SAMSN1: variants seen among roughly 807,000 people sequenced by gnomAD.
SAMSN1 encodes the protein SAM domain-containing protein SAMSN-1.
Under a neutral mutation model 42.0 loss-of-function variants are expected in SAMSN1, and 31 were observed. That is an observed-to-expected ratio of 0.74 (90% confidence interval 0.55 to 1.00). SAMSN1 has a LOEUF of 1.00. Among genes scored for constraint, SAMSN1 ranks in the 50% least tolerant of loss-of-function variants. The pLI is 0.00. For synonymous variants in SAMSN1, 178 were observed against 151.9 expected, an observed-to-expected ratio of 1.17 and a Z score of -1.26; for missense variants, 464 against 439.4, an observed-to-expected ratio of 1.06 and a Z score of -0.50.
upstream of SAMSN1, among the ~76,000 whole-genome samples, chr21:14,549,373 G>T (rs184299434): frequency 3.3e-3 from 502 of 152,250 alleles, 2 homozygotes; most frequent in African/African-American, 0.012. Context: ...ATGTACACTG[G>T]TTCAATGGAT....
chr21:14,642,498 A>T (rs1448948724), intron 2 of SAMSN1, among the ~76,000 whole-genome samples: 2 of 152,196 alleles, frequency 1.3e-5, no homozygotes, highest in East Asian at 3.8e-4. Flanking sequence ...AAATATTCAG[A>T]TACTGCAAAC....
intron 4 of SAMSN1, among the ~76,000 whole-genome samples, chr21:14,511,240 T>G (rs1987676187): frequency 6.6e-6 from 1 of 152,222 alleles, no homozygotes; most frequent in African/African-American, 2.4e-5. Context: ...GTATGTGAAC[T>G]GATGTAAAAC....
intron 1 of SAMSN1, among the ~76,000 whole-genome samples, chr21:14,657,744 T>G (rs1983939203): frequency 6.6e-6 from 1 of 151,832 alleles, no homozygotes; most frequent in South Asian, 2.1e-4. Context: ...GAGCTGGCAG[T>G]TATTTTGTAA....
At chr21:14,590,284 A>G (rs1982042998) in intron 7 of SAMSN1, among the ~76,000 whole-genome samples, 1 of 151,272 alleles carries the variant, frequency 6.6e-6, no homozygotes, top group Non-Finnish European at 1.5e-5. Flanking sequence ...TTCTTTTAAG[A>G]CACAGGGTCT....
At chr21:14,651,387 A>T (rs1213461641) in intron 1 of SAMSN1, among the ~76,000 whole-genome samples, 1 of 152,094 alleles carries the variant, frequency 6.6e-6, no homozygotes, top group Admixed American at 6.6e-5. Flanking sequence ...ACATATTCAA[A>T]TCAATCAGTA....
chr21:14,594,082 A>G, intron 6 of SAMSN1: 2 of 702,178 alleles, frequency 2.8e-6, no homozygotes, highest in Non-Finnish European at 5.3e-6. Flanking sequence ...AGGTCACCTT[A>G]GAAATTAGAA....
intron 2 of SAMSN1, among the ~76,000 whole-genome samples, chr21:14,625,805 G>T (rs141233043): frequency 6.6e-6 from 1 of 152,134 alleles, no homozygotes; most frequent in East Asian, 1.9e-4. Flanking sequence ...AACCAAACAA[G>T]AGCCTGCATT....
intron 2 of SAMSN1, among the ~76,000 whole-genome samples, chr21:14,558,629 C>A (rs1396727592): frequency 6.6e-6 from 1 of 152,002 alleles, no homozygotes; most frequent in African/African-American, 2.4e-5. Context: ...TGCAGTGAGC[C>A]GACATCTCAT....
Position 14,514,591 on chromosome 21 carries a change from G to A in SAMSN1, c.280-2018C>T, listed in dbSNP as rs891490452. Among the ~76,000 whole-genome samples the A allele has an allele frequency of 3.3e-5, 5 of 152,304 alleles. 1 individual carries two copies. On this transcript the variant is annotated intron_variant, in intron 3 of 7. Coordinates refer to ENST00000400566, the MANE Select transcript of SAMSN1 (RefSeq NM_022136.5). ...TATATATACGTGGTAATACAATTCAGAGAATTTACTGATGAATTAGTGTGA... is the reference window on the plus strand; with the variant it reads ...TATATATACGTGGTAATACAATTCAAAGAATTTACTGATGAATTAGTGTGA...
chr21:14,634,302 A>C (rs892422108), intron 2 of SAMSN1, among the ~76,000 whole-genome samples: 5 of 152,282 alleles, frequency 3.3e-5, no homozygotes, highest in African/African-American at 1.2e-4. Flanking sequence ...AACAAAAGCT[A>C]AAATTGACAA....
At chr21:14,582,548 T>C (rs1981774803) in intron 1 of SAMSN1, 2 of 639,608 alleles carry the variant, frequency 3.1e-6, no homozygotes, top group Admixed American at 3.0e-5. Context: ...ATAGGAATTA[T>C]TCTTCCATTT....
chr21:14,576,224 T>C (rs768744693), intron 2 of SAMSN1, among the ~76,000 whole-genome samples: 5 of 152,182 alleles, frequency 3.3e-5, no homozygotes, highest in Non-Finnish European at 7.3e-5. Flanking sequence ...TCAGGATCAT[T>C]AATCAGGGTA....
intron 1 of SAMSN1, among the ~76,000 whole-genome samples, chr21:14,647,747 A>G (rs1310731560): frequency 7.4e-6 from 1 of 134,616 alleles, no homozygotes; most frequent in East Asian, 2.2e-4. Flanking sequence ...TCTTTGAAGC[A>G]ATTGTGAATG....
chr21:14,587,637 G>C (rs1374562603), upstream of SAMSN1, among the ~76,000 whole-genome samples: 1 of 151,960 alleles, frequency 6.6e-6, no homozygotes, highest in East Asian at 1.9e-4. Flanking sequence ...TCACTTATAT[G>C]CTAATGACTC....
chr21:14,615,046 C>T (rs74759967), intron 3 of SAMSN1, among the ~76,000 whole-genome samples: 9 of 152,062 alleles, frequency 5.9e-5, no homozygotes, highest in South Asian at 2.1e-4. Flanking sequence ...TGTTTAAGTA[C>T]GTTCCTTGGA....
intron 1 of SAMSN1, among the ~76,000 whole-genome samples, chr21:14,526,318 G>A (rs866469314): frequency 6.6e-6 from 1 of 152,176 alleles, no homozygotes; most frequent in African/African-American, 2.4e-5. Context: ...ATATAAATAT[G>A]TGCCCTTGGA....
At chr21:14,632,842 G>A (rs2123364604) in intron 2 of SAMSN1, among the ~76,000 whole-genome samples, 1 of 152,160 alleles carries the variant, frequency 6.6e-6, no homozygotes, top group East Asian at 1.9e-4. Context: ...AAGGCTGTTG[G>A]GCTGGAGGCC....
chr21:14,593,002 T>C, intron 7 of SAMSN1, among the ~76,000 whole-genome samples: 1 of 149,640 alleles, frequency 6.7e-6, no homozygotes, highest in East Asian at 1.9e-4. Flanking sequence ...CAGATCTCAA[T>C]AATTTTCTTT....
upstream of SAMSN1, chr21:14,585,522 A>T (rs927528861): frequency 1.3e-5 from 2 of 152,210 alleles, no homozygotes; most frequent in Admixed American, 6.5e-5. Flanking sequence ...AAGCATTTGG[A>T]AGGTATCTGA....
Sources: allele counts gnomAD v4.1 joint callset (sites outside exome capture counted in the v4.1 genomes callset), GRCh38; gene constraint gnomAD v4.1.1; transcripts MANE v1.5; gene names NCBI Gene and HGNC (gene_info 2026-07-23, HGNC 2026-07-21).